Variants in SLC6A17 observed in about 807,000 individuals in gnomAD.
SLC6A17 encodes the protein solute carrier family 6 member 17.
SLC6A17 carries 21 observed loss-of-function variants against 64.5 expected under a neutral mutation model. The ratio of observed to expected loss-of-function variants is 0.33; its 90% CI spans 0.23 to 0.47. The LOEUF (loss-of-function observed/expected upper bound fraction) is 0.47, where lower values mean the gene tolerates loss of function less well. Among genes scored for constraint, SLC6A17 ranks in the 20% least tolerant of loss-of-function variants. The pLI is 1.00. For synonymous variants in SLC6A17, 372 were observed against 399.5 expected (o/e 0.93, Z 0.82); for missense variants, 682 against 963.2 (o/e 0.71, Z 3.86).
intron 6 of SLC6A17, among the ~76,000 whole-genome samples, chr1:110,181,008 G>A (rs538730374): frequency 6.6e-6 from 1 of 152,040 alleles, no homozygotes; most frequent in African/African-American, 2.4e-5. Flanking sequence ...ACAGTTACCG[G>A]GTATGATGAA....
intron 4 of SLC6A17, 58 bp from the exon 5 acceptor site, chr1:110,174,721 A>G: frequency 1.3e-6 from 2 of 1,578,270 alleles, no homozygotes; most frequent in Non-Finnish European, 8.6e-7. Flanking sequence ...GGTCCAGCAG[A>G]GGAAGTGACC....
chr1:110,167,310 G>A (rs1031295882), intron 2 of SLC6A17, 95 bp downstream of exon 2: 15 of 1,452,882 alleles, frequency 1.0e-5, no homozygotes, highest in Non-Finnish European at 1.3e-5. Context: ...CAGAACTGGA[G>A]CCCTTGTAGG....
At position 110,199,564 on chromosome 1, in the gene SLC6A17, A is replaced by G. The variant is rs1001099029; in HGVS notation, c.*1120A>G. ...CACTCACTCTCCTTATTACACAAGC[A>G]CAGCCGCCCAGTGTGCACATCATGT... On this transcript the variant is annotated 3_prime_UTR_variant, in exon 12 of 12. Transcript: ENST00000331565. 1.2e-5 allele frequency: 2 copies of G among 166,648 alleles called. No homozygotes were observed. The highest frequency in any genetic ancestry group is 4.8e-5 in the African/African-American group (2 of 42,056). The allele number at this position is 166,648 out of a possible 1,614,324, so 10.3% of individuals were successfully genotyped here. A position where few individuals can be genotyped will look rare whatever the true frequency, so the allele number is the denominator to read the frequency against.
Position 110,198,474 on chromosome 1 carries a change from C to A in SLC6A17, c.*30C>A. The A allele has an allele frequency of 6.3e-7, 1 of 1,578,814 alleles. No homozygotes were observed. Among genetic ancestry groups the A allele is most frequent in the South Asian group, 1.2e-5 (1 of 84,860 alleles). On this transcript the variant is annotated 3_prime_UTR_variant, in exon 12 of 12. Transcript: ENST00000331565. ...TGCCCAAGCCCTGCCCGCCTCTCCC[C>A]CCACGCTCAACCTGCCCACTTGTCC...
At chr1:110,197,731 C>A in intron 11 of SLC6A17, 132 bp downstream of exon 11, 3 of 1,055,000 alleles carry the variant, frequency 2.8e-6, no homozygotes, top group Non-Finnish European at 4.0e-6. Flanking sequence ...ACACCTAAAC[C>A]GCAATCTTAC....
In SLC6A17 at chr1:110,170,475, C is replaced by T. The variant is rs144567122; in HGVS notation, c.287-1585C>T. ...CTCCAGCCTGGGCAACAGAGCAAGACTCCCTCTCAAAATAAAAACAAAAAA... is the reference window on the plus strand; with the variant it reads ...CTCCAGCCTGGGCAACAGAGCAAGATTCCCTCTCAAAATAAAAACAAAAAA... On this transcript the variant is annotated intron_variant, in intron 2 of 11. Coordinates refer to ENST00000331565, the MANE Select transcript of SLC6A17 (RefSeq NM_001010898.4). Among the ~76,000 whole-genome samples the T allele has an allele frequency of 1.3e-3, 197 of 152,298 alleles. 2 individuals are homozygous for T. Among genetic ancestry groups the T allele is most frequent in the African/African-American group, 4.5e-3 (189 of 41,576 alleles).
In SLC6A17 at chr1:110,195,604, C is replaced by T. The variant is rs1656940585; in HGVS notation, c.1511C>T (p.Ala504Val). 3 of 1,614,210 alleles carry T rather than the reference C, an allele frequency of 1.9e-6. No homozygotes were observed. The highest frequency in any genetic ancestry group is 2.5e-6 in the Non-Finnish European group (3 of 1,180,036). The change falls in exon 10 of 12, where the codon GCA (alanine) becomes GTA (valine). Residue 504 changes from alanine (A) to valine (V), a missense_variant. Transcript: ENST00000331565. The part of the protein sequence containing the change: ...EMFTVGCCVF[A>V]FLVGLLFVQR... ...TCTGTAGTGGGCTGCTGTGTCTTTG[C>T]ATTCCTCGTGGGGCTGTTGTTCGTC...
intron 10 of SLC6A17, 111 bp downstream of exon 10, chr1:110,195,856 G>A (rs529872298): frequency 1.5e-5 from 22 of 1,451,168 alleles, no homozygotes; most frequent in Middle Eastern, 1.9e-4. Context: ...GTGCCCTTAC[G>A]GATCATTTAG....
rs370432997 is a variant in SLC6A17, at chr1:110,198,113, T to C, written c.1853T>C (p.Met618Thr). The C allele has an allele frequency of 6.2e-7, 1 of 1,613,926 alleles. No homozygotes were observed. Among genetic ancestry groups the C allele is most frequent in the Admixed American group, 1.7e-5 (1 of 60,006 alleles). Residue 618 changes from methionine (M) to threonine (T), a missense_variant, in exon 12 of 12, where the codon ATG becomes ACG. Coordinates refer to ENST00000331565, the MANE Select transcript of SLC6A17 (RefSeq NM_001010898.4). ...ERYLYFPNWA[M>T]ALLITLIVVA... ...TACCTGTATTTCCCCAACTGGGCCA[T>C]GGCACTCCTGATCACCCTCATCGTC...
intron 1 of SLC6A17, among the ~76,000 whole-genome samples, chr1:110,160,569 G>T (rs1655880144): frequency 6.6e-6 from 1 of 152,278 alleles, no homozygotes; most frequent in African/African-American, 2.4e-5. Context: ...ACGACAACTA[G>T]TTGTACCAGA....
chr1:110,191,266 C>G (rs1656818191), intron 6 of SLC6A17, among the ~76,000 whole-genome samples: 1 of 152,202 alleles, frequency 6.6e-6, no homozygotes, highest in Non-Finnish European at 1.5e-5. Context: ...GGCTTGGTCC[C>G]TGCCCCAAGG....
At chr1:110,156,867 A>G (rs1655774818) in intron 1 of SLC6A17, among the ~76,000 whole-genome samples, 1 of 152,156 alleles carries the variant, frequency 6.6e-6, no homozygotes, top group African/African-American at 2.4e-5. Flanking sequence ...CCGTTTGGTA[A>G]CTCAGGTAAT....
chr1:110,198,141 G>A lies in SLC6A17; in HGVS notation c.1881G>A (p.Val627=), dbSNP rs1467584037. ...AMALLITLIV[V]ATLPIPVVFV... is the part of the protein sequence containing the mutation. Reference sequence around the variant, plus strand: ...CACTCCTGATCACCCTCATCGTCGTGGCGACGCTGCCCATCCCTGTGGTGT... The same window carrying A: ...CACTCCTGATCACCCTCATCGTCGTAGCGACGCTGCCCATCCCTGTGGTGT... Residue 627 remains valine (V), a synonymous_variant, in exon 12 of 12, where the codon GTG becomes GTA. Coordinates refer to ENST00000331565, the MANE Select transcript of SLC6A17 (RefSeq NM_001010898.4). 6.2e-7 allele frequency: 1 copy of A among 1,614,018 alleles called. No individual in the cohort carries two copies. Among genetic ancestry groups the A allele is most frequent in the African/African-American group, 1.3e-5 (1 of 75,048 alleles).
At chr1:110,197,986 T>C in intron 11 of SLC6A17, 90 bp from the exon 12 acceptor site, 1 of 1,517,036 alleles carries the variant, frequency 6.6e-7, no homozygotes, top group South Asian at 1.3e-5. Flanking sequence ...TGGAAGGCCA[T>C]GGGTGAGGGC....
intron 1 of SLC6A17, 83 bp downstream of exon 1, chr1:110,150,966 A>T (rs963341555): frequency 3.3e-5 from 5 of 152,092 alleles, no homozygotes; most frequent in African/African-American, 1.2e-4. Flanking sequence ...CCAGCCAGGG[A>T]GGGCTGAGGA....
intron 1 of SLC6A17, among the ~76,000 whole-genome samples, chr1:110,165,970 T>A (rs577788603): frequency 6.6e-6 from 1 of 152,348 alleles, no homozygotes; most frequent in South Asian, 2.1e-4. Context: ...GTGCTTTATT[T>A]CTTTAAGGGA....
Position 110,198,578 on chromosome 1 carries a change from C to T in SLC6A17, c.*134C>T. The T allele has an allele frequency of 5.3e-5, 76 of 1,423,074 alleles. No homozygotes were observed. The highest frequency in any genetic ancestry group is 7.0e-5 in the Non-Finnish European group (75 of 1,066,222). The allele number at this position is 1,423,074 out of a possible 1,614,324, so 88.2% of individuals were successfully genotyped here. A position where few individuals can be genotyped will look rare whatever the true frequency, so the allele number is the denominator to read the frequency against. ...CAAGAAGAGAGGGTCTGCCCTGCCT[C>T]ACTCCCCTCTTCAGTCCCAGTAGAC... On this transcript the variant is annotated 3_prime_UTR_variant, in exon 12 of 12. Coordinates refer to ENST00000331565, the MANE Select transcript of SLC6A17 (RefSeq NM_001010898.4).
intron 8 of SLC6A17, among the ~76,000 whole-genome samples, chr1:110,193,904 C>T (rs970082457): frequency 1.3e-5 from 2 of 152,302 alleles, no homozygotes; most frequent in Admixed American, 6.5e-5. Context: ...AAGAAATGTT[C>T]CCTTACAATC....
At chr1:110,176,845 T>G (rs1656389994) in intron 6 of SLC6A17, 106 bp downstream of exon 6, 43 of 981,180 alleles carry the variant, frequency 4.4e-5, no homozygotes, top group Non-Finnish European at 6.6e-5. Context: ...ACACCTGCTA[T>G]GTGTTGGGTA....
Sources: allele counts gnomAD v4.1 joint callset (sites outside exome capture counted in the v4.1 genomes callset), GRCh38; gene constraint gnomAD v4.1.1; transcripts MANE v1.5; gene names NCBI Gene and HGNC (gene_info 2026-07-23, HGNC 2026-07-21).